The following GRIA4 variants were observed in gnomAD, a reference collection of about 807,000 sequenced individuals.
The protein encoded by GRIA4 is glutamate ionotropic receptor AMPA type subunit 4.
Under a neutral mutation model 104.0 loss-of-function variants are expected in GRIA4, and 34 were observed. The ratio of observed to expected loss-of-function variants is 0.33; its 90% CI spans 0.25 to 0.44. The LOEUF (loss-of-function observed/expected upper bound fraction) is 0.44, where lower values mean the gene tolerates loss of function less well. GRIA4 is among the 20% of genes least tolerant of loss of function. GRIA4 has a pLI of 1.00. For missense variants in GRIA4, 750 were observed against 1,096.5 expected (o/e 0.68, Z 4.46); for synonymous variants, 386 against 381.9 (o/e 1.01, Z -0.13).
chr11:105,907,188 A>G (rs1947070052), intron 9 of GRIA4, among the ~76,000 whole-genome samples: 1 of 152,206 alleles, frequency 6.6e-6, no homozygotes, highest in African/African-American at 2.4e-5. Context: ...GGTAACAAAA[A>G]TTAAGACTTT....
intron 14 of GRIA4, among the ~76,000 whole-genome samples, chr11:105,958,920 G>C (rs1474965902): frequency 4.6e-5 from 7 of 152,170 alleles, no homozygotes; most frequent in Non-Finnish European, 8.8e-5. Flanking sequence ...TTTCCTTTAA[G>C]AATGTTAAAT....
At chr11:105,693,243 T>C (rs1263915360) in intron 3 of GRIA4, among the ~76,000 whole-genome samples, 1 of 152,194 alleles carries the variant, frequency 6.6e-6, no homozygotes, top group African/African-American at 2.4e-5. Flanking sequence ...TAATTGTGCA[T>C]GTTATGAAAT....
At chr11:105,719,304 G>A (rs1954212140) in intron 3 of GRIA4, among the ~76,000 whole-genome samples, 1 of 152,248 alleles carries the variant, frequency 6.6e-6, no homozygotes, top group East Asian at 1.9e-4. Flanking sequence ...CTATCGGAGC[G>A]ATTAGGTAAA....
At chr11:105,764,432 T>A (rs1426916700) in intron 4 of GRIA4, among the ~76,000 whole-genome samples, 1 of 152,240 alleles carries the variant, frequency 6.6e-6, no homozygotes, top group East Asian at 1.9e-4. Context: ...GTTATTTGAA[T>A]CATTTTAGTT....
Position 105,905,179 on chromosome 11 carries a change from G to GT in GRIA4, c.1054-14dup, listed in dbSNP as rs576839833. On this transcript the variant is annotated splice_polypyrimidine_tract_variant and intron_variant, in intron 8 of 16. Transcript: ENST00000282499. ...GTGAAATTGCAAGTGAACACGTGTG[G>GT]TTTTCTTTTTCACTTAGGTTCGAAT... 5.3e-5 allele frequency: 75 copies of GT among 1,407,452 alleles called. 1 individual carries two copies. In the South Asian group the frequency reaches 8.4e-4, roughly 16 times the overall value. The allele number at this position is 1,407,452 out of a possible 1,614,324, so 87.2% of individuals were successfully genotyped here. A position where few individuals can be genotyped will look rare whatever the true frequency, so the allele number is the denominator to read the frequency against.
intron 3 of GRIA4, among the ~76,000 whole-genome samples, chr11:105,627,475 A>G (rs1950917188): frequency 6.6e-6 from 1 of 152,220 alleles, no homozygotes; most frequent in African/African-American, 2.4e-5. Flanking sequence ...TGTGTGTTAA[A>G]AAGACTTCTA....
At chr11:105,794,603 CAT>C (rs201689049) in intron 4 of GRIA4, among the ~76,000 whole-genome samples, 7 of 132,124 alleles carry the variant, frequency 5.3e-5, no homozygotes, top group Non-Finnish European at 9.8e-5. Flanking sequence ...AAGATATATA[CAT>C]ATATATATAT....
At chr11:105,700,218 G>A (rs1953436708) in intron 3 of GRIA4, among the ~76,000 whole-genome samples, 2 of 152,194 alleles carry the variant, frequency 1.3e-5, no homozygotes, top group Non-Finnish European at 2.9e-5. Flanking sequence ...TTGACTTGAT[G>A]TGATGCATTA....
chr11:105,653,533 T>C (rs1951743623), intron 3 of GRIA4, among the ~76,000 whole-genome samples: 1 of 152,186 alleles, frequency 6.6e-6, no homozygotes, highest in Non-Finnish European at 1.5e-5. Context: ...TGAAAACTTA[T>C]GAATTATTTA....
chr11:105,677,325 T>C (rs141593739), intron 3 of GRIA4, among the ~76,000 whole-genome samples: 1 of 152,010 alleles, frequency 6.6e-6, no homozygotes, highest in African/African-American at 2.4e-5. Context: ...TATTGATACT[T>C]GTAAAATTAA....
intron 4 of GRIA4, among the ~76,000 whole-genome samples, chr11:105,756,575 A>G (rs1273641336): frequency 6.6e-6 from 1 of 152,022 alleles, no homozygotes; most frequent in Non-Finnish European, 1.5e-5. Context: ...TCCCAAGAAG[A>G]GATTTATCTT....
chr11:105,894,839 C>T (rs963209993), intron 6 of GRIA4, among the ~76,000 whole-genome samples: 3 of 100,086 alleles, frequency 3.0e-5, no homozygotes, highest in African/African-American at 1.1e-4. Context: ...GTCGCCCAGG[C>T]TGGACTGCGG....
At chr11:105,644,865 T>C (rs754470067) in intron 3 of GRIA4, among the ~76,000 whole-genome samples, 4 of 152,198 alleles carry the variant, frequency 2.6e-5, no homozygotes, top group Non-Finnish European at 4.4e-5. Flanking sequence ...CTTTAATATA[T>C]GTGCTCCTGA....
At chr11:105,631,362 ACT>A (rs1465121434) in intron 3 of GRIA4, among the ~76,000 whole-genome samples, 2 of 152,352 alleles carry the variant, frequency 1.3e-5, no homozygotes, top group East Asian at 3.9e-4. Context: ...CATTACCCAG[ACT>A]AATTTGATTA....
chr11:105,912,136 T>A, intron 10 of GRIA4: 1 of 1,060,230 alleles, frequency 9.4e-7, no homozygotes, highest in Non-Finnish European at 1.1e-6. Context: ...TGACAAAGAA[T>A]CACTTAGCGA....
chr11:105,961,049 G>A (rs952742554), intron 14 of GRIA4, among the ~76,000 whole-genome samples: 1 of 152,250 alleles, frequency 6.6e-6, no homozygotes, highest in Non-Finnish European at 1.5e-5. Flanking sequence ...ACAGCTTCCA[G>A]TCAGCCATCT....
chr11:105,721,886 C>T (rs943819886), intron 3 of GRIA4, among the ~76,000 whole-genome samples: 1 of 152,102 alleles, frequency 6.6e-6, no homozygotes, highest in Non-Finnish European at 1.5e-5. Context: ...CAGGCATTAT[C>T]TTCCTGCACT....
intron 4 of GRIA4, among the ~76,000 whole-genome samples, chr11:105,784,771 T>C (rs1259149828): frequency 2.6e-5 from 4 of 152,178 alleles, no homozygotes; most frequent in African/African-American, 9.7e-5. Flanking sequence ...TGGGCATAAA[T>C]AAGATGTGTT....
At chr11:105,754,559 T>C (rs572991915) in intron 4 of GRIA4, among the ~76,000 whole-genome samples, 6 of 152,316 alleles carry the variant, frequency 3.9e-5, no homozygotes, top group African/African-American at 1.4e-4. Flanking sequence ...AGAGACAAGG[T>C]GAATAACTCA....
Sources: allele counts gnomAD v4.1 joint callset (sites outside exome capture counted in the v4.1 genomes callset), GRCh38; gene constraint gnomAD v4.1.1; transcripts MANE v1.5; gene names NCBI Gene and HGNC (gene_info 2026-07-23, HGNC 2026-07-21).